TMEM87B: variants seen among roughly 807,000 people sequenced by gnomAD.
TMEM87B encodes transmembrane protein 87B.
In TMEM87B, 83 loss-of-function variants were observed where a neutral mutation model predicts 80.3. That is an observed-to-expected ratio of 1.03 (90% CI 0.87 to 1.24). The LOEUF (loss-of-function observed/expected upper bound fraction) is 1.24, where lower values mean the gene tolerates loss of function less well. Among genes scored for constraint, TMEM87B ranks in the 50% most tolerant of loss-of-function variants. The probability of loss-of-function intolerance (pLI) is 0.00; values close to 1 mark genes in which losing one functional copy is unlikely to be tolerated. For missense variants in TMEM87B, 625 were observed against 674.4 expected (o/e 0.93, Z 0.81); for synonymous variants, 219 against 230.5 (o/e 0.95, Z 0.45).
At chr2:112,066,785 A>G (rs867767083) in intron 3 of TMEM87B, 151 bp from the exon 4 acceptor site, 3 of 702,666 alleles carry the variant, frequency 4.3e-6, no homozygotes, top group Non-Finnish European at 6.6e-6. Flanking sequence ...TATATTCGAA[A>G]CAGTTTTTAT....
At chr2:112,090,375 GTTGA>G (rs1251783357) in intron 10 of TMEM87B, among the ~76,000 whole-genome samples, 10 of 134,648 alleles carry the variant, frequency 7.4e-5, no homozygotes, top group Admixed American at 2.3e-4. Context: ...TGTCTCATTG[GTTGA>G]TTGGTTGGTT....
rs780989821 is a variant in TMEM87B, at chr2:112,081,046, C to A, written c.593-11C>A. 40 of 1,609,280 alleles carry A rather than the reference C, an allele frequency of 2.5e-5. No individual in the cohort carries two copies. The highest frequency in any genetic ancestry group is 3.1e-5 in the Non-Finnish European group (37 of 1,177,100). ...GACTGTTAATTAACTCTCTCTTCTT[C>A]TCTATCCTAGTTTCTCTTTCTATGA... is the stretch of plus-strand genomic sequence containing the variant. On this transcript the variant is annotated splice_polypyrimidine_tract_variant and intron_variant, in intron 6 of 18. Transcript: ENST00000283206.
rs559209095 is a variant in TMEM87B at position 112,074,446 on chromosome 2, G to T, written c.451-466G>T. ...GGAGAGGCTTAATGTTAATCTGATG[G>T]GCTTTCCTTTGTGGGTGACCTGACC... On this transcript the variant is annotated intron_variant, in intron 4 of 18. Coordinates refer to ENST00000283206, the MANE Select transcript of TMEM87B (RefSeq NM_032824.3). Among the ~76,000 whole-genome samples the T allele has an allele frequency of 2.6e-5, 4 of 152,224 alleles. No individual in the cohort carries two copies. In the South Asian group the frequency reaches 8.3e-4, roughly 32 times the overall value.
chr2:112,095,392 T>C (rs1173031631), intron 11 of TMEM87B: 3 of 984,752 alleles, frequency 3.0e-6, no homozygotes, highest in Non-Finnish European at 3.6e-6. Context: ...GCAGGAATGA[T>C]TTACACTTTA....
In TMEM87B at chr2:112,118,049, C is replaced by T. The variant is rs1680070767; in HGVS notation, c.*1906C>T. 6.6e-6 allele frequency: 1 copy of T among 152,160 alleles called. No individual in the cohort carries two copies. The highest frequency in any genetic ancestry group is 1.5e-5 in the Non-Finnish European group (1 of 68,034). 9.4% of individuals were successfully genotyped at this position (152,160 alleles called of 1,614,324 possible). ...TAAATGATGCTACCCTGTAGCTCAGCTACAGGCTGCAGTGCAAACTTTTCT... is the reference window on the plus strand; with the variant it reads ...TAAATGATGCTACCCTGTAGCTCAGTTACAGGCTGCAGTGCAAACTTTTCT... On this transcript the variant is annotated 3_prime_UTR_variant, in exon 19 of 19. Coordinates refer to ENST00000283206, the MANE Select transcript of TMEM87B (RefSeq NM_032824.3).
intron 11 of TMEM87B, among the ~76,000 whole-genome samples, chr2:112,094,487 G>A (rs1679399619): frequency 6.6e-6 from 1 of 151,872 alleles, no homozygotes; most frequent in African/African-American, 2.4e-5. Flanking sequence ...CCATCCACAA[G>A]GTAGTTCATT....
intron 6 of TMEM87B, among the ~76,000 whole-genome samples, chr2:112,079,574 G>A (rs1678923956): frequency 5.3e-5 from 8 of 152,202 alleles, no homozygotes; most frequent in Admixed American, 2.0e-4. Flanking sequence ...CAGTGAACAT[G>A]GGGGTGCAGA....
intron 10 of TMEM87B, among the ~76,000 whole-genome samples, chr2:112,090,308 C>T (rs967250640): frequency 6.6e-6 from 1 of 152,040 alleles, no homozygotes; most frequent in Non-Finnish European, 1.5e-5. Flanking sequence ...CTGCAAAGAC[C>T]CCTAGATTTC....
chr2:112,076,472 T>C (rs1376982215), intron 5 of TMEM87B, among the ~76,000 whole-genome samples: 1 of 151,938 alleles, frequency 6.6e-6, no homozygotes, highest in Non-Finnish European at 1.5e-5. Flanking sequence ...CCTAAGTAGC[T>C]GGGACTACAG....
chr2:112,103,530 T>C (rs999290165), intron 15 of TMEM87B, among the ~76,000 whole-genome samples: 3 of 152,230 alleles, frequency 2.0e-5, no homozygotes, highest in African/African-American at 7.2e-5. Flanking sequence ...GAAAACATTA[T>C]GTTAAGTGAA....
Position 112,077,243 on chromosome 2 carries a change from A to T in TMEM87B, c.553A>T (p.Ile185Phe). 1 of 1,597,860 alleles carries T rather than the reference A, an allele frequency of 6.3e-7. No homozygotes were observed. Residue 185 changes from isoleucine (I) to phenylalanine (F), a missense_variant, in exon 6 of 19, where the codon ATT (isoleucine) becomes TTT (phenylalanine). Coordinates refer to ENST00000283206, the MANE Select transcript of TMEM87B (RefSeq NM_032824.3). Reference protein sequence around the residue: ...KDGFHIFIVSIKTENTDASWN... With the variant: ...KDGFHIFIVSFKTENTDASWN... ...TGGGTTTCATATCTTTATTGTTTCT[A>T]TTAAAACGGAGAATACAGATGCAAG...
Position 112,055,660 on chromosome 2 carries a change from C to T in TMEM87B, c.69C>T (p.Ala23=), listed in dbSNP as rs1189200852. 6.3e-7 allele frequency: 1 copy of T among 1,579,502 alleles called. No individual in the cohort carries two copies. The highest frequency in any genetic ancestry group is 8.6e-7 in the Non-Finnish European group (1 of 1,165,978). ...PRRRRCFPAR[A]PLLRVALCLL... ...GCCGCCGCTGCTTTCCCGCCCGGGC[C>T]CCGCTGCTGCGCGTCGCCCTCTGCC... The change falls in exon 1 of 19, where the codon GCC becomes GCT. Residue 23 remains alanine, a synonymous_variant. Transcript: ENST00000283206.
At chr2:112,105,480 C>G (rs953461189) in intron 15 of TMEM87B, among the ~76,000 whole-genome samples, 2 of 152,168 alleles carry the variant, frequency 1.3e-5, no homozygotes, top group Non-Finnish European at 2.9e-5. Flanking sequence ...TTGCCTTGCC[C>G]AAGATTCCAG....
Position 112,116,971 on chromosome 2 carries a change from C to G in TMEM87B, c.*828C>G, listed in dbSNP as rs1012442952. The G allele has an allele frequency of 1.3e-5, 2 of 152,492 alleles. No individual in the cohort carries two copies. Among genetic ancestry groups the G allele is most frequent in the Non-Finnish European group, 2.9e-5 (2 of 68,016 alleles). The allele number at this position is 152,492 out of a possible 1,614,324, so 9.4% of individuals were successfully genotyped here. A position where few individuals can be genotyped will look rare whatever the true frequency, so the allele number is the denominator to read the frequency against. ...AGCTGGGAGACCCATTACTGGTGAA[C>G]TTTGTGGAAATTAGAACTGTATCTT... is the stretch of plus-strand genomic sequence containing the variant. On this transcript the variant is annotated 3_prime_UTR_variant, in exon 19 of 19. Coordinates refer to ENST00000283206, the MANE Select transcript of TMEM87B (RefSeq NM_032824.3).
chr2:112,066,185 T>G (rs1678430937), intron 3 of TMEM87B, among the ~76,000 whole-genome samples: 1 of 152,224 alleles, frequency 6.6e-6, no homozygotes, highest in African/African-American at 2.4e-5. Context: ...GTCATTACTG[T>G]GCTGATTGCT....
At chr2:112,080,583 T>G (rs1364664204) in intron 6 of TMEM87B, among the ~76,000 whole-genome samples, 2 of 152,216 alleles carry the variant, frequency 1.3e-5, no homozygotes, top group Non-Finnish European at 2.9e-5. Flanking sequence ...ATTGGGTTTT[T>G]TGTTTTCTTG....
Position 112,062,049 on chromosome 2 carries a change from C to T in TMEM87B, c.226+2012C>T, listed in dbSNP as rs551100718. Among the ~76,000 whole-genome samples, 72 of 152,282 alleles carry T rather than the reference C, an allele frequency of 4.7e-4. 1 individual carries two copies. In the South Asian group the frequency reaches 0.015, roughly 31 times the overall value. ...AGTTGATCATTACTAGTCCAGTTTACGGTTTCTGTTCATTGTAAGTGAGTA... is the reference window on the plus strand; with the variant it reads ...AGTTGATCATTACTAGTCCAGTTTATGGTTTCTGTTCATTGTAAGTGAGTA... On this transcript the variant is annotated intron_variant, in intron 2 of 18. Transcript: ENST00000283206.
chr2:112,093,350 C>T (rs757045206), intron 11 of TMEM87B, among the ~76,000 whole-genome samples: 12 of 152,162 alleles, frequency 7.9e-5, no homozygotes, highest in Non-Finnish European at 1.5e-4. Flanking sequence ...GATTCTTAAC[C>T]TTGTTTGGGT....
chr2:112,058,736 C>T (rs1678158932), intron 1 of TMEM87B, among the ~76,000 whole-genome samples: 1 of 152,160 alleles, frequency 6.6e-6, no homozygotes, highest in South Asian at 2.1e-4. Context: ...GTAGAAGTAC[C>T]AGTTAAGCTA....
Sources: gnomAD v4.1 joint callset for allele counts (sites outside exome capture counted in the v4.1 genomes callset) on GRCh38, gnomAD v4.1.1 for gene constraint, MANE v1.5 for transcripts, NCBI Gene and HGNC (gene_info 2026-07-23, HGNC 2026-07-21) for gene names.